Variants in PCDHA3 observed in about 807,000 individuals in gnomAD.
PCDHA3 encodes protocadherin alpha-3.
In PCDHA3, 41 loss-of-function variants were observed where a neutral mutation model predicts 62.2. The observed-to-expected ratio is 0.66, with a 90% CI of 0.51 to 0.86. The LOEUF is 0.86. Ranked by LOEUF, PCDHA3 falls within the 40% of genes least tolerant of loss-of-function variation. The pLI, the probability that PCDHA3 is intolerant of heterozygous loss-of-function variation, is 0.00. For synonymous variants in PCDHA3, 640 were observed against 555.4 expected, an observed-to-expected ratio of 1.15 and a Z score of -2.14; for missense variants, 1,304 against 1,241.2, an observed-to-expected ratio of 1.05 and a Z score of -0.76.
At position 140,856,169 on chromosome 5, in the gene PCDHA3, G is replaced by T. The variant is rs200441286; in HGVS notation, c.2394+52578G>T. ...CTCAGTCTACGAGGAGGCCAGACACGGCACCTTCGTGGGCCGCATCGCGCA... is the reference window on the plus strand; with the variant it reads ...CTCAGTCTACGAGGAGGCCAGACACTGCACCTTCGTGGGCCGCATCGCGCA... On this transcript the variant is annotated intron_variant, in intron 1 of 3. Transcript: ENST00000522353. 11 of 1,598,346 alleles carry T rather than the reference G, an allele frequency of 6.9e-6. 2 individuals are homozygous for T. Among genetic ancestry groups the T allele is most frequent in the Admixed American group, 1.7e-5 (1 of 59,282 alleles).
At position 140,942,948 on chromosome 5, in the gene PCDHA3, C is replaced by T. The variant is rs534534050; in HGVS notation, c.2395-36001C>T. 1.4e-4 allele frequency among the ~76,000 whole-genome samples: 22 copies of T among 151,804 alleles called. No individual in the cohort carries two copies. The South Asian group carries it at 4.0e-3, about 27-fold the overall frequency. On this transcript the variant is annotated intron_variant, in intron 1 of 3. Transcript: ENST00000522353. ...ATTGAAAAAGAGTTTAAAGTGTAGA[C>T]GTTCTGTTATCAGAATTAAATTTTG... is the stretch of plus-strand genomic sequence containing the variant.
intron 1 of PCDHA3, among the ~76,000 whole-genome samples, chr5:140,917,740 C>T (rs1257665291): frequency 6.6e-6 from 1 of 152,090 alleles, no homozygotes; most frequent in Non-Finnish European, 1.5e-5. Context: ...TCTAACCTGT[C>T]CCATTGGTCT....
chr5:140,822,523 T>A, intron 1 of PCDHA3: 1 of 1,613,888 alleles, frequency 6.2e-7, no homozygotes, highest in Non-Finnish European at 8.5e-7. Context: ...TAATGTCAGA[T>A]TGTTGGAAAA....
chr5:140,876,789 T>C (rs782509311), intron 1 of PCDHA3: 97 of 1,614,054 alleles, frequency 6.0e-5, no homozygotes, highest in Non-Finnish European at 7.5e-5. Context: ...GGGCCACGGC[T>C]AGAGTGTCCG....
At chr5:140,836,035 T>A in intron 1 of PCDHA3, 1 of 1,613,556 alleles carries the variant, frequency 6.2e-7, no homozygotes, top group East Asian at 2.2e-5. Context: ...AACGTGACGC[T>A]GCAGGTGTTC....
chr5:140,856,315 T>A (rs782568790), intron 1 of PCDHA3: 4 of 1,598,576 alleles, frequency 2.5e-6, no homozygotes, highest in Non-Finnish European at 3.4e-6. Context: ...ATTCTCGGAT[T>A]GACCGCGAGG....
intron 1 of PCDHA3, among the ~76,000 whole-genome samples, chr5:140,903,637 A>G (rs1290449623): frequency 1.3e-5 from 2 of 152,240 alleles, no homozygotes; most frequent in Non-Finnish European, 1.5e-5. Flanking sequence ...GTATGCATAT[A>G]CCATATACAT....
At chr5:140,875,842 A>G (rs782682417) in intron 1 of PCDHA3, 1 of 1,614,146 alleles carries the variant, frequency 6.2e-7, no homozygotes, top group Non-Finnish European at 8.5e-7. Context: ...CGTGGAGGTG[A>G]AGGACATTAA....
chr5:140,966,674 G>T, intron 1 of PCDHA3: 1 of 1,295,168 alleles, frequency 7.7e-7, no homozygotes, highest in Admixed American at 3.8e-5. Flanking sequence ...GGCGCAGGGT[G>T]GCACGAGCGG....
At chr5:140,829,079 A>G (rs1770100550) in intron 1 of PCDHA3, 1 of 1,611,828 alleles carries the variant, frequency 6.2e-7, no homozygotes, top group South Asian at 1.1e-5. Context: ...CCATCCTCCC[A>G]TGGCGGGTCA....
chr5:140,858,871 T>A (rs1000901337), intron 1 of PCDHA3: 6 of 248,826 alleles, frequency 2.4e-5, no homozygotes, highest in African/African-American at 1.2e-4. Context: ...TGAAAATGTG[T>A]TTTCCTCCAT....
At chr5:140,906,057 C>A (rs558964545) in intron 1 of PCDHA3, among the ~76,000 whole-genome samples, 7 of 152,326 alleles carry the variant, frequency 4.6e-5, no homozygotes, top group Admixed American at 2.0e-4. Context: ...GCTGCACTGG[C>A]AGCTGATTAG....
intron 1 of PCDHA3, among the ~76,000 whole-genome samples, chr5:140,819,085 A>C (rs1766488679): frequency 6.6e-6 from 1 of 152,214 alleles, no homozygotes; most frequent in Non-Finnish European, 1.5e-5. Context: ...GGCAGCGCTA[A>C]GATGTGTATT....
chr5:140,823,759 G>A (rs2150128860), intron 1 of PCDHA3: 6 of 1,613,792 alleles, frequency 3.7e-6, no homozygotes, highest in South Asian at 2.2e-5. Context: ...GACAGCCACA[G>A]CCACAGTGCT....
chr5:140,902,786 C>G (rs1450809375), intron 1 of PCDHA3, among the ~76,000 whole-genome samples: 1 of 151,906 alleles, frequency 6.6e-6, no homozygotes, highest in Non-Finnish European at 1.5e-5. Flanking sequence ...TAGCTTAGCT[C>G]TCACTTGTAT....
At chr5:140,843,056 A>C in intron 1 of PCDHA3, 1 of 1,594,198 alleles carries the variant, frequency 6.3e-7, no homozygotes, top group Non-Finnish European at 8.6e-7. Context: ...CGCAGCGAGC[A>C]AGCTGGTGCC....
chr5:140,970,814 C>T (rs1175939096), intron 1 of PCDHA3, among the ~76,000 whole-genome samples: 1 of 152,068 alleles, frequency 6.6e-6, no homozygotes, highest in Non-Finnish European at 1.5e-5. Flanking sequence ...ATTTCAAGTT[C>T]ATGGTAATCT....
intron 1 of PCDHA3, among the ~76,000 whole-genome samples, chr5:140,941,202 C>CCTTTCTTCCTTCCTTTCTTTCTTTCTTT (rs1394736170): frequency 4.9e-5 from 6 of 122,740 alleles, no homozygotes; most frequent in Admixed American, 1.7e-4. Context: ...TTTCTTTCTT[C>CCTTTCTTCCTTCCTTTCTTTCTTTCTTT]CTTTCTTTCT....
At chr5:140,808,976 G>T in intron 1 of PCDHA3, 1 of 1,613,688 alleles carries the variant, frequency 6.2e-7, no homozygotes, top group Non-Finnish European at 8.5e-7. Context: ...GGTGCGCGCG[G>T]TGGATGCTGA....
Sources: gnomAD v4.1 joint callset for allele counts (sites outside exome capture counted in the v4.1 genomes callset) on GRCh38, gnomAD v4.1.1 for gene constraint, MANE v1.5 for transcripts, NCBI Gene and HGNC (gene_info 2026-07-23, HGNC 2026-07-21) for gene names.